CADM2: variants seen among roughly 807,000 people sequenced by gnomAD.
CADM2 encodes the protein cell adhesion molecule 2, also known as immunoglobulin superfamily member 4D.
A neutral mutation model predicts 49.8 loss-of-function variants in CADM2; 12 were observed. That is an observed-to-expected ratio of 0.24 (90% CI 0.15 to 0.39). CADM2 has a LOEUF of 0.39. CADM2 is among the 10% of genes least tolerant of loss of function. The pLI is 1.00. For synonymous variants in CADM2, 214 were observed against 175.4 expected (o/e 1.22, Z -1.74); for missense variants, 378 against 492.3 (o/e 0.77, Z 2.20).
intron 1 of CADM2, among the ~76,000 whole-genome samples, chr3:85,038,157 A>C (rs2035296588): frequency 6.6e-6 from 1 of 152,164 alleles, no homozygotes; most frequent in Non-Finnish European, 1.5e-5. Flanking sequence ...AATTCAGTTC[A>C]ATTTCAGTTT....
At chr3:85,872,695 T>G (rs2075975631) in intron 3 of CADM2, among the ~76,000 whole-genome samples, 3 of 149,142 alleles carry the variant, frequency 2.0e-5, no homozygotes, top group Admixed American at 1.3e-4. Flanking sequence ...TATTTATACT[T>G]TATATAAATT....
At chr3:86,040,346 A>G (rs1315617935) in intron 8 of CADM2, among the ~76,000 whole-genome samples, 2 of 152,196 alleles carry the variant, frequency 1.3e-5, no homozygotes, top group African/African-American at 4.8e-5. Flanking sequence ...AAAAAATTAG[A>G]TGAATGGCTA....
intron 8 of CADM2, among the ~76,000 whole-genome samples, chr3:86,061,399 A>G (rs192921309): frequency 6.6e-6 from 1 of 152,230 alleles, no homozygotes; most frequent in African/African-American, 2.4e-5. Flanking sequence ...ATATATAGAC[A>G]ATTATTTTAT....
intron 1 of CADM2, among the ~76,000 whole-genome samples, chr3:85,347,029 C>A (rs2030732249): frequency 6.6e-6 from 1 of 151,816 alleles, no homozygotes; most frequent in African/African-American, 2.4e-5. Context: ...TCAAGACCAG[C>A]CTGGCCAACA....
rs115096732 is a variant in CADM2 at position 85,724,926 on chromosome 3, T to C, written c.62-1596T>C. Among the ~76,000 whole-genome samples, 384 of 152,026 alleles carry C rather than the reference T, an allele frequency of 2.5e-3. 3 individuals carry two copies. Among genetic ancestry groups the C allele is most frequent in the African/African-American group, 8.7e-3 (362 of 41,560 alleles). ...ACTTAAGTTTTGATATTAAATATTT[T>C]AGTGGGCTTTAAATTTTATGAATTA... is the stretch of plus-strand genomic sequence containing the variant. On this transcript the variant is annotated intron_variant, in intron 1 of 9. Transcript: ENST00000383699.
chr3:85,190,620 C>T (rs943184483), intron 1 of CADM2, among the ~76,000 whole-genome samples: 9 of 152,072 alleles, frequency 5.9e-5, no homozygotes, highest in African/African-American at 9.6e-5. Context: ...AAAAGAAAGG[C>T]GATAATTTTG....
At chr3:85,752,492 A>C (rs2068909231) in intron 2 of CADM2, among the ~76,000 whole-genome samples, 1 of 151,826 alleles carries the variant, frequency 6.6e-6, no homozygotes, top group Admixed American at 6.6e-5. Context: ...ACACACACAC[A>C]CACACACACT....
chr3:85,189,589 T>C (rs2041155058), intron 1 of CADM2, among the ~76,000 whole-genome samples: 1 of 152,236 alleles, frequency 6.6e-6, no homozygotes, highest in Non-Finnish European at 1.5e-5. Context: ...AGAAGCTTAG[T>C]ATTTTAACAG....
chr3:85,385,694 C>T (rs568328588), intron 1 of CADM2: 12 of 150,162 alleles, frequency 8.0e-5, no homozygotes, highest in Admixed American at 4.0e-4. Context: ...TTTTTTCAAC[C>T]GAAAATACCC....
chr3:85,911,872 G>A (rs933227799), intron 5 of CADM2, among the ~76,000 whole-genome samples: 6 of 151,580 alleles, frequency 4.0e-5, no homozygotes, highest in East Asian at 1.9e-4. Context: ...AAATTGCTGC[G>A]CCCCCACCCT....
intron 1 of CADM2, among the ~76,000 whole-genome samples, chr3:85,680,901 G>A (rs2066023724): frequency 6.6e-6 from 1 of 152,206 alleles, no homozygotes; most frequent in African/African-American, 2.4e-5. Context: ...TCCTGATAGA[G>A]AACTGTGTAA....
chr3:84,964,404 T>C (rs545102004), intron 1 of CADM2, among the ~76,000 whole-genome samples: 1 of 152,180 alleles, frequency 6.6e-6, no homozygotes, highest in South Asian at 2.1e-4. Context: ...CTATGAAGGA[T>C]TTGGGGGTAC....
chr3:84,973,085 C>G (rs1345159619), intron 1 of CADM2, among the ~76,000 whole-genome samples: 4 of 151,984 alleles, frequency 2.6e-5, no homozygotes, highest in African/African-American at 9.7e-5. Flanking sequence ...GCTAAATTTT[C>G]TATTTTTAGT....
intron 8 of CADM2, among the ~76,000 whole-genome samples, chr3:85,996,649 A>C (rs971938080): frequency 5.9e-5 from 9 of 152,162 alleles, no homozygotes; most frequent in African/African-American, 2.2e-4. Flanking sequence ...AATACATTTG[A>C]TCTAGTGAAA....
At chr3:85,414,750 C>T (rs2035838890) in intron 1 of CADM2, among the ~76,000 whole-genome samples, 2 of 152,132 alleles carry the variant, frequency 1.3e-5, no homozygotes, top group African/African-American at 4.8e-5. Context: ...TTTACATTTC[C>T]ATTCAAACTT....
chr3:85,038,596 GAGC>G (rs1437330140), intron 1 of CADM2, among the ~76,000 whole-genome samples: 1 of 152,162 alleles, frequency 6.6e-6, no homozygotes, highest in African/African-American at 2.4e-5. Flanking sequence ...CCATGATTAG[GAGC>G]AGAGACTTGA....
In CADM2 at chr3:85,299,654, A is replaced by C. The variant is rs187948404; in HGVS notation, c.61+339986A>C. Among the ~76,000 whole-genome samples, 268 of 152,126 alleles carry C rather than the reference A, an allele frequency of 1.8e-3. 1 individual carries two copies. Among genetic ancestry groups the C allele is most frequent in the South Asian group, 8.1e-3 (39 of 4,828 alleles). On this transcript the variant is annotated intron_variant, in intron 1 of 9. Coordinates refer to ENST00000383699, the MANE Select transcript of CADM2 (RefSeq NM_001167675.2). ...GCCTCCTTGCAGCCCATATTACTTC[A>C]GAGGTTGGTCTGGGGTGTGGGATGT...
intron 7 of CADM2, among the ~76,000 whole-genome samples, chr3:85,943,620 G>A (rs1018278132): frequency 6.6e-6 from 1 of 151,888 alleles, no homozygotes; most frequent in African/African-American, 2.4e-5. Context: ...AACAAAGCTG[G>A]AGGCATCACG....
intron 1 of CADM2, among the ~76,000 whole-genome samples, chr3:85,060,955 A>G (rs188830149): frequency 6.6e-6 from 1 of 152,284 alleles, no homozygotes; most frequent in Non-Finnish European, 1.5e-5. Flanking sequence ...ATAGTAATAC[A>G]TGAGTATACT....
Sources: gnomAD v4.1 joint callset for allele counts (sites outside exome capture counted in the v4.1 genomes callset) on GRCh38, gnomAD v4.1.1 for gene constraint, MANE v1.5 for transcripts, NCBI Gene and HGNC (gene_info 2026-07-23, HGNC 2026-07-21) for gene names.